The following MYB variants were observed in gnomAD, a reference collection of about 807,000 sequenced individuals.
The protein encoded by MYB is MYB proto-oncogene, transcription factor, also known as transcriptional activator Myb.
MYB carries 28 observed loss-of-function variants against 92.9 expected under a neutral mutation model. The ratio of observed to expected loss-of-function variants is 0.30; its 90% CI spans 0.22 to 0.41. MYB has a LOEUF of 0.41. Ranked by LOEUF, MYB falls within the 10% of genes least tolerant of loss-of-function variation. The probability of loss-of-function intolerance (pLI) is 1.00; values close to 1 mark genes in which losing one functional copy is unlikely to be tolerated. For missense variants in MYB, 679 were observed against 929.3 expected (o/e 0.73, Z 3.50); for synonymous variants, 295 against 329.1 (o/e 0.90, Z 1.12).
chr6:135,216,258 T>C (rs1780418385), intron 15 of MYB, among the ~76,000 whole-genome samples: 1 of 152,210 alleles, frequency 6.6e-6, no homozygotes, highest in African/African-American at 2.4e-5. Flanking sequence ...CCAGGGATGC[T>C]CAAGTCCCTG....
chr6:135,190,174 T>C lies in MYB; in HGVS notation c.354T>C (p.Ile118=), dbSNP rs760505701. The change falls in exon 5 of 16, where the codon ATT becomes ATC. Residue 118 remains isoleucine (I), a synonymous_variant. Transcript: ENST00000341911. This position sits in a 1 kb window ranked among gnomAD's most constrained non-coding sequence, Gnocchi z 4.5. ...ACGGTCCGAAACGTTGGTCTGTTAT[T>C]GCCAAGCACTTAAAGGGGAGAATTG... ...QKYGPKRWSV[I]AKHLKGRIGK... 3.7e-6 allele frequency: 6 copies of C among 1,614,118 alleles called. No individual in the cohort carries two copies. The highest frequency in any genetic ancestry group is 1.3e-5 in the African/African-American group (1 of 74,946).
At chr6:135,199,748 T>C (rs924942219) in intron 11 of MYB, among the ~76,000 whole-genome samples, 8 of 152,240 alleles carry the variant, frequency 5.3e-5, no homozygotes, top group Non-Finnish European at 7.3e-5. Context: ...TTTTCATGAA[T>C]AGGGAAACCT....
At chr6:135,207,046 A>G (rs921748397) in intron 15 of MYB, among the ~76,000 whole-genome samples, 1 of 152,180 alleles carries the variant, frequency 6.6e-6, no homozygotes, top group Non-Finnish European at 1.5e-5. Flanking sequence ...GTTTGTTTGA[A>G]ACACAGTGCT....
intron 15 of MYB, among the ~76,000 whole-genome samples, chr6:135,214,545 A>T (rs1046073889): frequency 1.3e-5 from 2 of 152,114 alleles, no homozygotes; most frequent in African/African-American, 4.8e-5. Context: ...AAGATATTTC[A>T]TTCTGCTTCC....
intron 2 of MYB, among the ~76,000 whole-genome samples, chr6:135,186,484 A>G (rs1246172222): frequency 1.3e-5 from 2 of 152,238 alleles, no homozygotes; most frequent in African/African-American, 4.8e-5. Context: ...TTGTCTATTC[A>G]TCTTTGTGTT....
chr6:135,195,802 C>T lies in MYB; in HGVS notation c.1003C>T (p.His335Tyr), dbSNP rs375651983. 4 of 1,614,030 alleles carry T rather than the reference C, an allele frequency of 2.5e-6. No individual in the cohort carries two copies. The highest frequency in any genetic ancestry group is 1.3e-5 in the African/African-American group (1 of 74,900). The change falls in exon 9 of 16, where the codon CAC becomes TAC. Residue 335 changes from histidine to tyrosine, a missense_variant. This residue lies in a region of MYB where 56 missense variants were observed against 55.8 expected (regional missense o/e 1.00). Coordinates refer to ENST00000341911, the MANE Select transcript of MYB (RefSeq NM_001130173.2). The stretch of plus-strand genomic sequence containing the variant: ...GTGGCACAGCACCACCATTGCCGAC[C>T]ACACCAGACCTCATGGAGACAGTGC... ...PGWHSTTIADHTRPHGDSAPV... is the reference protein window; with the variant it reads ...PGWHSTTIADYTRPHGDSAPV...
chr6:135,191,236 A>G (rs779050502), intron 5 of MYB, among the ~76,000 whole-genome samples: 3 of 152,238 alleles, frequency 2.0e-5, no homozygotes, highest in Non-Finnish European at 4.4e-5. Context: ...TGAACAAGGC[A>G]AGAAAATGAC....
chr6:135,194,724 T>C (rs1462618803), intron 8 of MYB: 2 of 576,262 alleles, frequency 3.5e-6, no homozygotes, highest in East Asian at 5.8e-5. Context: ...AGAAGGACTA[T>C]AATCAGTTTA....
chr6:135,214,752 T>C (rs1004125983), intron 15 of MYB, among the ~76,000 whole-genome samples: 2 of 152,230 alleles, frequency 1.3e-5, no homozygotes, highest in Non-Finnish European at 2.9e-5. Flanking sequence ...ATTTTGTTTT[T>C]TAATTGGTTT....
At position 135,182,836 on chromosome 6, in the gene MYB, G is replaced by T. The variant is rs1775281729; in HGVS notation, c.23+1300G>T. Among the ~76,000 whole-genome samples the T allele has an allele frequency of 6.6e-6, 1 of 151,986 alleles. No homozygotes were observed. Among genetic ancestry groups the T allele is most frequent in the Non-Finnish European group, 1.5e-5 (1 of 67,950 alleles). On this transcript the variant is annotated intron_variant, in intron 1 of 15. Coordinates refer to ENST00000341911, the MANE Select transcript of MYB (RefSeq NM_001130173.2). This position sits in a 1 kb window ranked among gnomAD's most constrained non-coding sequence, Gnocchi z 5.6. Reference sequence around the variant, plus strand: ...GCAGCACCCGCGGGCTGGGCTGGGCGGGGAGCAGCGCCGGGGCTTGGTTGG... The same window carrying T: ...GCAGCACCCGCGGGCTGGGCTGGGCTGGGAGCAGCGCCGGGGCTTGGTTGG...
intron 9 of MYB, 126 bp downstream of exon 9, chr6:135,196,128 T>A (rs1452029062): frequency 3.0e-6 from 3 of 988,588 alleles, no homozygotes; most frequent in Admixed American, 2.7e-5. Context: ...GGTAGAAGTA[T>A]GATTTTCATC....
intron 13 of MYB, 59 bp from the exon 14 acceptor site, chr6:135,201,580 A>G: frequency 8.7e-7 from 1 of 1,150,226 alleles, no homozygotes; most frequent in Admixed American, 1.9e-5. Flanking sequence ...TATACTCCTG[A>G]CTGTACATGT....
At chr6:135,185,856 T>C in intron 1 of MYB, 47 bp from the exon 2 acceptor site, 1 of 1,463,822 alleles carries the variant, frequency 6.8e-7, no homozygotes, top group Non-Finnish European at 9.6e-7. Flanking sequence ...AGTAGTAGTC[T>C]AAATCCTCTT....
chr6:135,208,089 T>C (rs1779216886), intron 15 of MYB, among the ~76,000 whole-genome samples: 1 of 149,150 alleles, frequency 6.7e-6, no homozygotes, highest in Non-Finnish European at 1.5e-5. Context: ...TAATTTTTTT[T>C]TTTTTTTGAG....
At chr6:135,202,121 A>G (rs375446497) in intron 14 of MYB, among the ~76,000 whole-genome samples, 5 of 152,154 alleles carry the variant, frequency 3.3e-5, no homozygotes, top group East Asian at 1.9e-4. Context: ...AGCATCTCAT[A>G]TGGTATCAAC....
intron 3 of MYB, among the ~76,000 whole-genome samples, chr6:135,189,121 C>T (rs902496294): frequency 2.6e-5 from 4 of 152,186 alleles, no homozygotes; most frequent in Non-Finnish European, 4.4e-5. Context: ...TCTGTCCATC[C>T]TTCAAAGTCC....
At chr6:135,214,434 C>G (rs1780158467) in intron 15 of MYB, among the ~76,000 whole-genome samples, 1 of 152,110 alleles carries the variant, frequency 6.6e-6, no homozygotes, top group Non-Finnish European at 1.5e-5. Context: ...CATCTCCATT[C>G]TCACCTTCAT....
intron 13 of MYB, chr6:135,200,710 A>T: frequency 2.8e-6 from 1 of 359,956 alleles, no homozygotes. Flanking sequence ...CTGATTATAT[A>T]AAGTTGATAT....
At chr6:135,184,951 A>C (rs997747408) in intron 1 of MYB, among the ~76,000 whole-genome samples, 3 of 152,242 alleles carry the variant, frequency 2.0e-5, no homozygotes, top group African/African-American at 7.2e-5. Context: ...ATTAACAAAC[A>C]GTAAGCATAT....
Sources: gnomAD v4.1 joint callset for allele counts (sites outside exome capture counted in the v4.1 genomes callset) on GRCh38, gnomAD v4.1.1 for gene constraint, gnomAD v4.1.1 regional missense constraint, Gnocchi (gnomAD v3.1) non-coding constraint, MANE v1.5 for transcripts, NCBI Gene and HGNC (gene_info 2026-07-23, HGNC 2026-07-21) for gene names.